CXADR: variants seen among roughly 807,000 people sequenced by gnomAD.
CXADR encodes the protein coxsackievirus and adenovirus receptor.
Under a neutral mutation model 40.3 loss-of-function variants are expected in CXADR, and 20 were observed. The observed-to-expected ratio is 0.50, with a 90% confidence interval of 0.35 to 0.72. CXADR has a LOEUF of 0.72. Among genes scored for constraint, CXADR ranks in the 30% least tolerant of loss-of-function variants. CXADR has a pLI of 0.01. For missense variants in CXADR, 332 were observed against 449.1 expected, an observed-to-expected ratio of 0.74 and a Z score of 2.36; for synonymous variants, 150 against 161.3, an observed-to-expected ratio of 0.93 and a Z score of 0.53.
chr21:17,524,743 C>T (rs371899419), intron 1 of CXADR, among the ~76,000 whole-genome samples: 2 of 151,640 alleles, frequency 1.3e-5, no homozygotes, highest in African/African-American at 4.8e-5. Flanking sequence ...AAAAATTAGC[C>T]ACGTGTGATA....
intron 7 of CXADR, among the ~76,000 whole-genome samples, chr21:17,592,013 A>C (rs1248106473): frequency 2.0e-5 from 3 of 151,928 alleles, no homozygotes; most frequent in Non-Finnish European, 1.5e-5. Flanking sequence ...TGGGTAGTCG[A>C]AACACTGGCA....
At chr21:17,550,083 A>G (rs2060946283) in intron 2 of CXADR, among the ~76,000 whole-genome samples, 1 of 152,172 alleles carries the variant, frequency 6.6e-6, no homozygotes, top group South Asian at 2.1e-4. Context: ...CTAGCTGGGC[A>G]CGGTAGCTCA....
At chr21:17,626,819 G>C in the CXADR span, 18 of 152,226 alleles carry the variant, frequency 1.2e-4, no homozygotes, top group African/African-American at 4.3e-4. Context: ...TGTGCTGAAA[G>C]GTAAAGAAGC....
At chr21:17,563,482 G>C (rs1429840148) in intron 6 of CXADR, among the ~76,000 whole-genome samples, 1 of 151,994 alleles carries the variant, frequency 6.6e-6, no homozygotes, top group African/African-American at 2.4e-5. Context: ...TAAGTTTGCT[G>C]TCTCTTATGG....
Position 17,568,600 on chromosome 21 carries a change from A to G in CXADR, c.*2908A>G. 1.0e-6 allele frequency: 1 copy of G among 974,630 alleles called. No homozygotes were observed. Among genetic ancestry groups the G allele is most frequent in the African/African-American group, 1.8e-5 (1 of 54,812 alleles). 60.4% of individuals were successfully genotyped at this position (974,630 alleles called of 1,614,324 possible). Reference sequence around the variant, plus strand: ...AAGAGATAGGGTTTCACTATTGCTCAGGCTGGTCTCAAACTGCTGGGCTCA... The same window carrying G: ...AAGAGATAGGGTTTCACTATTGCTCGGGCTGGTCTCAAACTGCTGGGCTCA... On this transcript the variant is annotated 3_prime_UTR_variant, in exon 7 of 7. Transcript: ENST00000284878.
At position 17,559,094 on chromosome 21, in the gene CXADR, G is replaced by C. The variant is rs1422146605; in HGVS notation, c.534G>C (p.Leu178Phe). Residue 178 changes from leucine to phenylalanine, a missense_variant, in exon 4 of 7, where the codon TTG (leucine) becomes TTC (phenylalanine). Coordinates refer to ENST00000284878, the MANE Select transcript of CXADR (RefSeq NM_001338.5). ...SLPLQYEWQK[L>F]SDSQKMPTSW... ...CATTACAGTATGAGTGGCAAAAATT[G>C]TCTGACTCACAGAAAATGCCCACTT... is the stretch of plus-strand genomic sequence containing the variant. 3.7e-6 allele frequency: 6 copies of C among 1,613,960 alleles called. No individual in the cohort carries two copies. The highest frequency in any genetic ancestry group is 2.5e-6 in the Non-Finnish European group (3 of 1,179,982).
intron 7 of CXADR, among the ~76,000 whole-genome samples, chr21:17,577,442 G>C (rs893509082): frequency 2.6e-5 from 4 of 151,364 alleles, no homozygotes; most frequent in African/African-American, 9.7e-5. Flanking sequence ...CTTATTTTTG[G>C]ACCTAGAGAT....
the CXADR span, among the ~76,000 whole-genome samples, chr21:17,610,315 T>A: frequency 6.6e-6 from 1 of 152,200 alleles, no homozygotes; most frequent in Non-Finnish European, 1.5e-5. Flanking sequence ...AATGGGTGAA[T>A]TGCATGGTAT....
At chr21:17,607,946 T>C in the CXADR span, among the ~76,000 whole-genome samples, 2 of 152,224 alleles carry the variant, frequency 1.3e-5, no homozygotes, top group East Asian at 1.9e-4. Flanking sequence ...AAATGTACCT[T>C]ATACAGCAGA....
At chr21:17,551,670 G>A (rs1002479624) in intron 2 of CXADR, 79 bp from the exon 3 acceptor site, 3 of 1,243,792 alleles carry the variant, frequency 2.4e-6, no homozygotes, top group African/African-American at 1.5e-5. Flanking sequence ...AGCAGCAGGT[G>A]TATCCAGGGC....
intron 1 of CXADR, among the ~76,000 whole-genome samples, chr21:17,533,009 TAATG>T (rs2060697508): frequency 6.6e-6 from 1 of 152,190 alleles, no homozygotes; most frequent in Non-Finnish European, 1.5e-5. Context: ...GAACTCCTGC[TAATG>T]CCTTTGAGAT....
At chr21:17,610,535 T>C in the CXADR span, among the ~76,000 whole-genome samples, 4 of 152,228 alleles carry the variant, frequency 2.6e-5, no homozygotes, top group African/African-American at 9.6e-5. Flanking sequence ...ACATTTTGGA[T>C]TGCCTCAAAG....
At chr21:17,576,705 G>C (rs756768606) in intron 7 of CXADR, 34 of 152,086 alleles carry the variant, frequency 2.2e-4, no homozygotes, top group African/African-American at 6.5e-4. Context: ...ACAGTAACTC[G>C]GAAGTAGTCC....
the CXADR span, among the ~76,000 whole-genome samples, chr21:17,635,836 G>A: frequency 6.6e-6 from 1 of 152,140 alleles, no homozygotes; most frequent in African/African-American, 2.4e-5. Context: ...AGCTGGCTGG[G>A]ATTTCTATTA....
At chr21:17,528,875 C>T (rs1254340959) in intron 1 of CXADR, among the ~76,000 whole-genome samples, 1 of 152,120 alleles carries the variant, frequency 6.6e-6, no homozygotes, top group Non-Finnish European at 1.5e-5. Context: ...TACTTTAAAA[C>T]CAGAATTTCG....
chr21:17,540,120 A>C (rs1333646057), intron 1 of CXADR, among the ~76,000 whole-genome samples: 1 of 151,942 alleles, frequency 6.6e-6, no homozygotes, highest in African/African-American at 2.4e-5. Flanking sequence ...CTCTATCCTC[A>C]CGTGGCAGAG....
At chr21:17,593,247 C>G in exon 8 of CXADR, 2 of 1,346,420 alleles carry the variant, frequency 1.5e-6, no homozygotes, top group Non-Finnish European at 1.9e-6. Context: ...TATTTTAGGC[C>G]TCTAGTAAAG....
chr21:17,563,689 C>T (rs2061155696), intron 6 of CXADR, among the ~76,000 whole-genome samples: 1 of 151,958 alleles, frequency 6.6e-6, no homozygotes, highest in African/African-American at 2.4e-5. Context: ...CACCTGTAAT[C>T]CCAGCACTTA....
intron 7 of CXADR, among the ~76,000 whole-genome samples, chr21:17,577,390 CATG>C (rs2061329221): frequency 1.3e-5 from 2 of 152,056 alleles, no homozygotes; most frequent in Admixed American, 1.3e-4. Context: ...TTTAATGAAG[CATG>C]ATGTTTCATT....
Sources: gnomAD v4.1 joint callset for allele counts (sites outside exome capture counted in the v4.1 genomes callset) on GRCh38, gnomAD v4.1.1 for gene constraint, MANE v1.5 for transcripts, NCBI Gene and HGNC (gene_info 2026-07-23, HGNC 2026-07-21) for gene names.